Variants in KAT6B observed in about 807,000 individuals in gnomAD.
KAT6B encodes the protein lysine acetyltransferase 6B.
KAT6B carries 10 observed loss-of-function variants against 187.5 expected under a neutral mutation model. That is an observed-to-expected ratio of 0.05 (90% CI 0.03 to 0.09). The LOEUF (loss-of-function observed/expected upper bound fraction) is 0.09. KAT6B is among the 10% of genes least tolerant of loss of function. The pLI is 1.00. For synonymous variants in KAT6B, 861 were observed against 926.8 expected (o/e 0.93, Z 1.29); for missense variants, 1,952 against 2,558.9 (o/e 0.76, Z 5.12).
At chr10:75,021,104 G>A (rs780691860) in intron 14 of KAT6B, 22 bp from the exon 15 acceptor site, 74 of 1,610,958 alleles carry the variant, frequency 4.6e-5, no homozygotes, top group Non-Finnish European at 5.5e-5. Flanking sequence ...ATTACATCTT[G>A]TTCTGCCTTA....
rs940715460 is a variant in KAT6B at position 75,021,773 on chromosome 10, G to A, written c.3022-108G>A. ...GCAGCTGGAATGTGCTTGGCTGGCT[G>A]GCTGTCCTGATCAGAACCGACTTAG... On this transcript the variant is annotated intron_variant, in intron 15 of 17. Coordinates refer to ENST00000287239, the MANE Select transcript of KAT6B (RefSeq NM_012330.4). The A allele has an allele frequency of 4.5e-6, 5 of 1,122,306 alleles. No homozygotes were observed. The African/African-American group carries it at 6.1e-5, about 14-fold the overall frequency. 69.5% of individuals were successfully genotyped at this position (1,122,306 alleles called of 1,614,324 possible).
At chr10:74,969,568 C>T in intron 4 of KAT6B, 92 bp from the exon 5 acceptor site, 1 of 754,552 alleles carries the variant, frequency 1.3e-6, no homozygotes, top group Non-Finnish European at 2.4e-6. Context: ...ATTGGCTAGC[C>T]TCATCAGCTA....
chr10:74,981,242 A>T (rs1842484642), intron 10 of KAT6B, among the ~76,000 whole-genome samples: 1 of 152,206 alleles, frequency 6.6e-6, no homozygotes, highest in Non-Finnish European at 1.5e-5. Context: ...GGATTATATT[A>T]AAAAATAATG....
At chr10:74,864,055 G>C (rs1843377289) in intron 3 of KAT6B, among the ~76,000 whole-genome samples, 1 of 152,038 alleles carries the variant, frequency 6.6e-6, no homozygotes, top group South Asian at 2.1e-4. Context: ...ATTCACACTT[G>C]AGCCATCAAA....
chr10:74,908,282 G>A (rs1846923907), intron 3 of KAT6B, among the ~76,000 whole-genome samples: 1 of 152,122 alleles, frequency 6.6e-6, no homozygotes, highest in Non-Finnish European at 1.5e-5. Context: ...TAAGTTCCTG[G>A]CCAGGCACAG....
At chr10:74,858,433 C>T (rs956958895) in intron 3 of KAT6B, among the ~76,000 whole-genome samples, 3 of 152,018 alleles carry the variant, frequency 2.0e-5, no homozygotes, top group Non-Finnish European at 4.4e-5. Flanking sequence ...CGTGTGCCAC[C>T]ATGCCCAGCT....
chr10:74,958,220 T>C (rs1840825923), intron 3 of KAT6B, among the ~76,000 whole-genome samples: 1 of 152,248 alleles, frequency 6.6e-6, no homozygotes, highest in African/African-American at 2.4e-5. Context: ...TGTTCTTAAC[T>C]AGCATATATT....
chr10:75,012,317 T>C (rs1022834369), intron 13 of KAT6B, among the ~76,000 whole-genome samples: 2 of 152,074 alleles, frequency 1.3e-5, no homozygotes, highest in Non-Finnish European at 2.9e-5. Flanking sequence ...CATGGTGGTA[T>C]GCACTTGTTG....
At position 75,020,761 on chromosome 10, in the gene KAT6B, G is replaced by C; in HGVS notation, c.2809G>C (p.Asp937His). 1 of 1,614,152 alleles carries C rather than the reference G, an allele frequency of 6.2e-7. No individual in the cohort carries two copies. The highest frequency in any genetic ancestry group is 1.1e-5 in the South Asian group (1 of 91,076). ...ISRATGMCPH[D>H]IATTLQHLHM... The stretch of plus-strand genomic sequence containing the variant: ...CAGAGCGACGGGCATGTGCCCACAT[G>C]ACATTGCCACCACTCTGCAGCACCT... The change falls in exon 14 of 18, where the codon GAC becomes CAC. Residue 937 changes from aspartate to histidine, a missense_variant. Around this residue, in one of 9 missense-constraint regions of KAT6B, gnomAD observed 758 missense variants for 891.4 expected, o/e 0.85. Transcript: ENST00000287239.
intron 3 of KAT6B, among the ~76,000 whole-genome samples, chr10:74,937,724 T>G (rs1849363732): frequency 6.6e-6 from 1 of 152,248 alleles, no homozygotes; most frequent in South Asian, 2.1e-4. Context: ...TCTTGCATTT[T>G]AATCATTAAC....
rs1285710873 is a variant in KAT6B at position 74,864,235 on chromosome 10, AT to A, written c.621+20762del. Among the ~76,000 whole-genome samples the A allele has an allele frequency of 2.0e-5, 3 of 151,686 alleles. No individual in the cohort carries two copies. In the East Asian group the frequency reaches 5.8e-4, roughly 29 times the overall value. ...AGGTGCACACCACCATGCCCAGCTA[AT>A]TTTTGTATTTTTTGTATTTTTTTGA... On this transcript the variant is annotated intron_variant, in intron 3 of 17. Transcript: ENST00000287239.
intron 3 of KAT6B, among the ~76,000 whole-genome samples, chr10:74,891,003 C>T (rs113596053): frequency 7.9e-5 from 12 of 152,166 alleles, no homozygotes; most frequent in African/African-American, 2.9e-4. Flanking sequence ...GTATGTATTC[C>T]CATTCAATAA....
chr10:75,022,228 A>G lies in KAT6B; in HGVS notation c.3369A>G (p.Arg1123=). 6.2e-7 allele frequency: 1 copy of G among 1,613,096 alleles called. No homozygotes were observed. The highest frequency in any genetic ancestry group is 8.5e-7 in the Non-Finnish European group (1 of 1,180,010). ...LTKPQSVAIK[R]KRPFVLKKKR... is the part of the protein sequence containing the mutation. ...AACCACAGTCAGTTGCCATAAAGAGAAAGGTAGGTGTCTGTTTAGATTTTC... is the reference window on the plus strand; with the variant it reads ...AACCACAGTCAGTTGCCATAAAGAGGAAGGTAGGTGTCTGTTTAGATTTTC... The change falls in exon 16 of 18, where the codon AGA becomes AGG. Residue 1123 remains arginine (R), a synonymous_variant. Transcript: ENST00000287239.
chr10:74,865,285 T>C (rs757351952), intron 3 of KAT6B, among the ~76,000 whole-genome samples: 12 of 152,220 alleles, frequency 7.9e-5, no homozygotes, highest in African/African-American at 1.4e-4. Flanking sequence ...TGCTCAGTCC[T>C]TTTTCAGGGT....
At chr10:74,913,040 A>T (rs571916367) in intron 3 of KAT6B, among the ~76,000 whole-genome samples, 1 of 152,344 alleles carries the variant, frequency 6.6e-6, no homozygotes, top group South Asian at 2.1e-4. Flanking sequence ...TGTCAAGTGA[A>T]GTATTACTTG....
At chr10:74,887,833 C>T (rs1417257733) in intron 3 of KAT6B, among the ~76,000 whole-genome samples, 1 of 151,708 alleles carries the variant, frequency 6.6e-6, no homozygotes, top group Non-Finnish European at 1.5e-5. Flanking sequence ...ATAGCAAGAC[C>T]CCACCTCAAA....
At chr10:74,903,210 G>T (rs1329255764) in intron 3 of KAT6B, among the ~76,000 whole-genome samples, 2 of 152,106 alleles carry the variant, frequency 1.3e-5, no homozygotes, top group Non-Finnish European at 2.9e-5. Flanking sequence ...GTCCAGTGTG[G>T]GTAGCAGAAT....
Position 75,002,052 on chromosome 10 carries a change from A to G in KAT6B, c.2629+12940A>G, listed in dbSNP as rs562800010. ...GGTCAGCTTAGGGCTGTGCCTCCCA[A>G]GACAGGACCTGAGGATGGGTATGGG... On this transcript the variant is annotated intron_variant, in intron 13 of 17. Coordinates refer to ENST00000287239, the MANE Select transcript of KAT6B (RefSeq NM_012330.4). 1.8e-4 allele frequency among the ~76,000 whole-genome samples: 28 copies of G among 152,300 alleles called. No homozygotes were observed. In the East Asian group the frequency reaches 2.1e-3, roughly 12 times the overall value.
At chr10:74,921,489 G>A (rs1235240719) in intron 3 of KAT6B, among the ~76,000 whole-genome samples, 4 of 152,020 alleles carry the variant, frequency 2.6e-5, no homozygotes, top group Non-Finnish European at 4.4e-5. Context: ...TGTTTTTTGG[G>A]CATCTATCAA....
Sources: allele counts gnomAD v4.1 joint callset (sites outside exome capture counted in the v4.1 genomes callset), GRCh38; gene constraint gnomAD v4.1.1; regional missense constraint gnomAD v4.1.1; transcripts MANE v1.5; gene names NCBI Gene and HGNC (gene_info 2026-07-23, HGNC 2026-07-21).